HIVEP3: variants seen among roughly 807,000 people sequenced by gnomAD.
HIVEP3 encodes HIVEP zinc finger 3, also known as transcription factor HIVEP3.
Under a neutral mutation model 152.8 loss-of-function variants are expected in HIVEP3, and 49 were observed. The ratio of observed to expected loss-of-function variants is 0.32; its 90% CI spans 0.26 to 0.41. The LOEUF (loss-of-function observed/expected upper bound fraction) is 0.41, where lower values mean the gene tolerates loss of function less well. HIVEP3 is among the 10% of genes least tolerant of loss of function. HIVEP3 has a pLI of 1.00. For missense variants in HIVEP3, 2,790 were observed against 3,103.3 expected (o/e 0.90, Z 2.40); for synonymous variants, 1,269 against 1,289.0 (o/e 0.98, Z 0.33).
intron 3 of HIVEP3, among the ~76,000 whole-genome samples, chr1:41,617,221 T>A (rs1430792666): frequency 1.5e-5 from 2 of 130,934 alleles, no homozygotes; most frequent in African/African-American, 2.6e-5. Context: ...ATAAACATCC[T>A]TTATACACAT....
At chr1:41,611,346 C>G (rs1417101340) in intron 3 of HIVEP3, among the ~76,000 whole-genome samples, 1 of 152,098 alleles carries the variant, frequency 6.6e-6, no homozygotes, top group Admixed American at 6.5e-5. Flanking sequence ...AATTCCATCT[C>G]GTAACAAAGA....
chr1:42,007,697 A>G (rs10493103), intron 1 of HIVEP3, among the ~76,000 whole-genome samples: 2,246 of 152,316 alleles, frequency 0.015, 167 homozygotes, highest in Admixed American at 0.13. Context: ...CCAGAAATAC[A>G]TGGCACTTCC....
chr1:41,862,743 G>A (rs558971800), intron 1 of HIVEP3, among the ~76,000 whole-genome samples: 1 of 152,318 alleles, frequency 6.6e-6, no homozygotes, highest in South Asian at 2.1e-4. Flanking sequence ...AAGAGAATTG[G>A]AGGGCAGGTC....
At chr1:42,002,163 T>C (rs1645431902) in intron 1 of HIVEP3, among the ~76,000 whole-genome samples, 1 of 151,988 alleles carries the variant, frequency 6.6e-6, no homozygotes, top group Admixed American at 6.6e-5. Context: ...TTAGCAACTG[T>C]CTGACAATGA....
chr1:41,834,525 T>C (rs147748112), intron 1 of HIVEP3, among the ~76,000 whole-genome samples: 65 of 152,326 alleles, frequency 4.3e-4, no homozygotes, highest in African/African-American at 1.5e-3. Flanking sequence ...CAGAACACTA[T>C]AGCTGTAACA....
At chr1:41,596,713 C>T (rs1477625531) in intron 3 of HIVEP3, among the ~76,000 whole-genome samples, 1 of 152,196 alleles carries the variant, frequency 6.6e-6, no homozygotes, top group Non-Finnish European at 1.5e-5. Flanking sequence ...AGGGCTGAGG[C>T]TAATTGCTTC....
intron 1 of HIVEP3, among the ~76,000 whole-genome samples, chr1:41,775,819 G>A (rs1375420950): frequency 6.6e-6 from 1 of 152,146 alleles, no homozygotes; most frequent in Non-Finnish European, 1.5e-5. Context: ...CCAACATGGA[G>A]AGTCCATGAT....
chr1:41,746,689 G>T (rs949040626), intron 1 of HIVEP3, among the ~76,000 whole-genome samples: 4 of 152,126 alleles, frequency 2.6e-5, no homozygotes, highest in African/African-American at 9.7e-5. Context: ...AAGCCAAACT[G>T]CCCAGGTCTG....
chr1:41,946,832 C>G (rs1194209266), intron 1 of HIVEP3, among the ~76,000 whole-genome samples: 1 of 152,088 alleles, frequency 6.6e-6, no homozygotes, highest in Non-Finnish European at 1.5e-5. Context: ...TGTTAAGGAC[C>G]TAAAAGCCCA....
Position 41,584,818 on chromosome 1 carries a change from A to G in HIVEP3, c.-21T>C. ...TCCATGACCTTCACAAAGACTTCAG[A>G]TGCTATTCAGGGAGAGTCAGGGCGG... On this transcript the variant is annotated 5_prime_UTR_variant, in exon 4 of 9. Transcript: ENST00000372583. This position sits in a 1 kb window ranked among gnomAD's most constrained non-coding sequence, Gnocchi z 5.2. The G allele has an allele frequency of 6.7e-7, 1 of 1,494,898 alleles. No individual in the cohort carries two copies. Among genetic ancestry groups the G allele is most frequent in the Non-Finnish European group, 8.9e-7 (1 of 1,121,986 alleles). 92.6% of individuals were successfully genotyped at this position (1,494,898 alleles called of 1,614,324 possible).
chr1:41,629,218 C>T (rs1216392781), intron 2 of HIVEP3, among the ~76,000 whole-genome samples: 1 of 152,102 alleles, frequency 6.6e-6, no homozygotes, highest in South Asian at 2.1e-4. Flanking sequence ...CTGCAAAGCC[C>T]CCAGGACTGT....
chr1:41,903,706 T>C (rs1035694230), intron 1 of HIVEP3, among the ~76,000 whole-genome samples: 1 of 152,162 alleles, frequency 6.6e-6, no homozygotes, highest in African/African-American at 2.4e-5. Flanking sequence ...TGCTCCTCTG[T>C]TGAGCTGGCC....
At chr1:41,998,734 T>C (rs1199702072) in intron 1 of HIVEP3, among the ~76,000 whole-genome samples, 2 of 152,108 alleles carry the variant, frequency 1.3e-5, no homozygotes, top group Non-Finnish European at 2.9e-5. Context: ...AATTAATAAA[T>C]GGTTTGCTTA....
rs564026666 is a variant in HIVEP3, at chr1:41,828,893, A to G, written c.-801+89520T>C. Among the ~76,000 whole-genome samples, 6 of 152,368 alleles carry G rather than the reference A, an allele frequency of 3.9e-5. No individual in the cohort carries two copies. In the South Asian group the frequency reaches 1.2e-3, roughly 32 times the overall value. ...TCATGGCATGTTTTATCTGGCATAC[A>G]CAATATTTTATAAAAGCCCAAGTGA... On this transcript the variant is annotated intron_variant, in intron 1 of 8. Transcript: ENST00000372583.
upstream of HIVEP3, among the ~76,000 whole-genome samples, chr1:41,921,708 A>G (rs1644942615): frequency 9.0e-6 from 1 of 111,248 alleles, no homozygotes; most frequent in Non-Finnish European, 2.1e-5. Context: ...ATTGGAGGAG[A>G]ATCATAGGCA....
intron 3 of HIVEP3, among the ~76,000 whole-genome samples, chr1:41,617,116 A>G (rs1644981181): frequency 6.6e-6 from 1 of 152,196 alleles, no homozygotes; most frequent in Non-Finnish European, 1.5e-5. Flanking sequence ...CAATCTTGTT[A>G]CAGCTGAATG....
At chr1:42,009,382 A>C (rs1270490786) in intron 1 of HIVEP3, among the ~76,000 whole-genome samples, 1 of 152,212 alleles carries the variant, frequency 6.6e-6, no homozygotes, top group Non-Finnish European at 1.5e-5. Flanking sequence ...AAAGGAAACT[A>C]AGGCATTTAA....
At chr1:41,868,360 G>A (rs1354561192) in intron 1 of HIVEP3, among the ~76,000 whole-genome samples, 1 of 152,090 alleles carries the variant, frequency 6.6e-6, no homozygotes, top group African/African-American at 2.4e-5. Context: ...CCTGCTGATG[G>A]GTGAGAGATG....
At chr1:41,880,056 A>G (rs79813434) in intron 1 of HIVEP3, among the ~76,000 whole-genome samples, 2,046 of 152,244 alleles carry the variant, frequency 0.013, 36 homozygotes, top group African/African-American at 0.047. Context: ...GCCTGGGATC[A>G]TCCTCTCTTT....
Sources: allele counts gnomAD v4.1 joint callset (sites outside exome capture counted in the v4.1 genomes callset), GRCh38; gene constraint gnomAD v4.1.1; non-coding constraint Gnocchi (gnomAD v3.1); transcripts MANE v1.5; gene names NCBI Gene and HGNC (gene_info 2026-07-23, HGNC 2026-07-21).